The following LRRC1 variants were observed in gnomAD, a reference collection of about 807,000 sequenced individuals.
The protein encoded by LRRC1 is leucine-rich repeat-containing protein 1.
A neutral mutation model predicts 69.9 loss-of-function variants in LRRC1; 28 were observed. The ratio of observed to expected loss-of-function variants is 0.40; its 90% confidence interval spans 0.30 to 0.55. The LOEUF (loss-of-function observed/expected upper bound fraction) is 0.55. Among genes scored for constraint, LRRC1 ranks in the 20% least tolerant of loss-of-function variants. LRRC1 has a pLI of 0.47. For missense variants in LRRC1, 498 were observed against 609.0 expected (o/e 0.82, Z 1.92); for synonymous variants, 236 against 240.2 (o/e 0.98, Z 0.16).
intron 10 of LRRC1, among the ~76,000 whole-genome samples, chr6:53,909,721 A>G (rs1390632917): frequency 6.6e-6 from 1 of 152,216 alleles, no homozygotes; most frequent in East Asian, 1.9e-4. Context: ...GAAGTAGGGA[A>G]CATTTGAATA....
intron 2 of LRRC1, among the ~76,000 whole-genome samples, chr6:53,846,281 G>C (rs1020454411): frequency 6.6e-6 from 1 of 152,152 alleles, no homozygotes; most frequent in African/African-American, 2.4e-5. Flanking sequence ...TAGGGAAAAA[G>C]AGGGCAGTGC....
intron 2 of LRRC1, among the ~76,000 whole-genome samples, chr6:53,844,758 T>G (rs1325242480): frequency 1.3e-5 from 2 of 152,174 alleles, no homozygotes; most frequent in Non-Finnish European, 1.5e-5. Flanking sequence ...CTTATCCAGC[T>G]CTCTTAGAAA....
At chr6:53,880,330 A>G (rs1414017597) in intron 3 of LRRC1, among the ~76,000 whole-genome samples, 1 of 152,056 alleles carries the variant, frequency 6.6e-6, no homozygotes, top group African/African-American at 2.4e-5. Flanking sequence ...CTGTCCCTCC[A>G]ACCTTATCCT....
At chr6:53,841,268 A>G (rs1765781483) in intron 1 of LRRC1, among the ~76,000 whole-genome samples, 1 of 152,102 alleles carries the variant, frequency 6.6e-6, no homozygotes, top group South Asian at 2.1e-4. Flanking sequence ...TGGCAGTTTA[A>G]CTGTTCATTA....
intron 2 of LRRC1, among the ~76,000 whole-genome samples, chr6:53,846,586 T>A (rs972328739): frequency 2.0e-5 from 3 of 152,240 alleles, no homozygotes; most frequent in Non-Finnish European, 4.4e-5. Flanking sequence ...ACTTGGTGGA[T>A]TTGTTTTTTT....
chr6:53,921,354 C>T (rs1486698033), intron 13 of LRRC1, among the ~76,000 whole-genome samples: 1 of 152,120 alleles, frequency 6.6e-6, no homozygotes, highest in Admixed American at 6.5e-5. Flanking sequence ...GTTTTCTTAA[C>T]ATGGAGAAAC....
intron 4 of LRRC1, chr6:53,884,154 G>T: frequency 1.6e-6 from 1 of 608,198 alleles, no homozygotes; most frequent in South Asian, 2.0e-5. Context: ...ATTTTATTGT[G>T]AATTTCATGC....
intron 2 of LRRC1, among the ~76,000 whole-genome samples, chr6:53,859,670 C>T (rs1400176294): frequency 1.3e-5 from 2 of 152,028 alleles, no homozygotes; most frequent in East Asian, 1.9e-4. Flanking sequence ...CATTGTGACA[C>T]CAACATTGGC....
At chr6:53,843,333 A>C (rs1459919191) in intron 2 of LRRC1, among the ~76,000 whole-genome samples, 6 of 152,160 alleles carry the variant, frequency 3.9e-5, no homozygotes, top group African/African-American at 1.4e-4. Flanking sequence ...CCAGACATAT[A>C]ATTCTTCTGT....
intron 4 of LRRC1, among the ~76,000 whole-genome samples, chr6:53,891,126 G>A (rs1210379033): frequency 6.6e-6 from 1 of 152,162 alleles, no homozygotes; most frequent in East Asian, 1.9e-4. Context: ...AAAACATTAA[G>A]AATTAGTGTG....
chr6:53,803,259 C>T (rs1260638634), intron 1 of LRRC1, among the ~76,000 whole-genome samples: 1 of 152,180 alleles, frequency 6.6e-6, no homozygotes. Flanking sequence ...CAGACATGGT[C>T]TTGCTGTGCC....
chr6:53,876,920 C>T (rs1043752353), intron 2 of LRRC1, among the ~76,000 whole-genome samples: 2 of 152,182 alleles, frequency 1.3e-5, no homozygotes, highest in African/African-American at 2.4e-5. Context: ...GCCCTCTTCT[C>T]GCAGTTCCAC....
At chr6:53,844,536 T>G (rs1765881286) in intron 2 of LRRC1, among the ~76,000 whole-genome samples, 1 of 152,194 alleles carries the variant, frequency 6.6e-6, no homozygotes, top group Non-Finnish European at 1.5e-5. Context: ...CCATGCATCT[T>G]CCCGTGTGTC....
intron 1 of LRRC1, among the ~76,000 whole-genome samples, chr6:53,839,894 A>G (rs1442981307): frequency 6.6e-6 from 1 of 152,114 alleles, no homozygotes; most frequent in East Asian, 1.9e-4. Flanking sequence ...AAGAGTTGCA[A>G]ATTTCCTTTG....
intron 1 of LRRC1, among the ~76,000 whole-genome samples, chr6:53,826,940 C>T (rs1300208650): frequency 2.6e-5 from 4 of 152,078 alleles, no homozygotes; most frequent in Admixed American, 6.5e-5. Context: ...CTTGGCCCAA[C>T]TTGCATAAGG....
intron 1 of LRRC1, among the ~76,000 whole-genome samples, chr6:53,839,237 C>T (rs189684329): frequency 6.6e-6 from 1 of 152,056 alleles, no homozygotes; most frequent in African/African-American, 2.4e-5. Context: ...TTTCAGTGGA[C>T]TTGAAAAGAT....
chr6:53,812,534 C>A (rs928015997), intron 1 of LRRC1, among the ~76,000 whole-genome samples: 2 of 151,158 alleles, frequency 1.3e-5, no homozygotes, highest in Non-Finnish European at 3.0e-5. Context: ...ACTAAAAATA[C>A]AAAAAATCAG....
At chr6:53,921,669 TC>T (rs1768747317) in intron 13 of LRRC1, among the ~76,000 whole-genome samples, 1 of 152,220 alleles carries the variant, frequency 6.6e-6, no homozygotes, top group Non-Finnish European at 1.5e-5. Context: ...CTTCTTAAAT[TC>T]CTTGAACTAA....
rs1275692738 is a variant in LRRC1, at chr6:53,828,723, AGACCCTTTAGACATTTGGTCCCTGCAG to A, written c.160-13386_160-13360del. The stretch of plus-strand genomic sequence containing the variant: ...TTGCTGGACTTGTTAATCAGTCCTG[AGACCCTTTAGACATTTGGTCCCTGCAG>A]TCTGTTGATTTCTGCTATAATATCT... On this transcript the variant is annotated intron_variant, in intron 1 of 13. Coordinates refer to ENST00000370888, the MANE Select transcript of LRRC1 (RefSeq NM_018214.5). Among the ~76,000 whole-genome samples the A allele has an allele frequency of 9.9e-5, 15 of 152,224 alleles. No homozygotes were observed. In the East Asian group the frequency reaches 1.5e-3, roughly 16 times the overall value.
Sources: allele counts gnomAD v4.1 joint callset (sites outside exome capture counted in the v4.1 genomes callset), GRCh38; gene constraint gnomAD v4.1.1; transcripts MANE v1.5; gene names NCBI Gene and HGNC (gene_info 2026-07-23, HGNC 2026-07-21).